Variants in CDH13 observed in about 807,000 individuals in gnomAD.
The protein encoded by CDH13 is cadherin 13.
Under a neutral mutation model 63.8 loss-of-function variants are expected in CDH13, and 24 were observed. The observed-to-expected ratio is 0.38, with a 90% CI of 0.27 to 0.53. CDH13 has a LOEUF of 0.53. Ranked by LOEUF, CDH13 falls within the 20% of genes least tolerant of loss-of-function variation. The pLI is 0.85. For missense variants in CDH13, 1,049 were observed against 903.1 expected (o/e 1.16, Z -2.07); for synonymous variants, 503 against 355.3 (o/e 1.42, Z -4.67).
chr16:83,264,490 CATATTATACACATGTATGTGTGTGTAT>C (rs1266424503), intron 5 of CDH13, among the ~76,000 whole-genome samples: 1 of 151,216 alleles, frequency 6.6e-6, no homozygotes, highest in Non-Finnish European at 1.5e-5. Context: ...TGTGTGTGTA[CATATTATACACATGTATGTGTGTGTAT>C]ATGTATATAT....
intron 4 of CDH13, among the ~76,000 whole-genome samples, chr16:83,200,795 AAAC>A (rs1009482498): frequency 1.3e-5 from 2 of 152,154 alleles, no homozygotes; most frequent in African/African-American, 4.8e-5. Flanking sequence ...CCCTTAGGGA[AAAC>A]AACAACAACA....
At chr16:82,678,873 CAT>C (rs1361557283) in intron 1 of CDH13, among the ~76,000 whole-genome samples, 1 of 152,210 alleles carries the variant, frequency 6.6e-6, no homozygotes, top group East Asian at 1.9e-4. Flanking sequence ...TCATCCCTGA[CAT>C]AGCCTGCCCT....
intron 1 of CDH13, among the ~76,000 whole-genome samples, chr16:82,740,293 A>G (rs149031112): frequency 2.0e-5 from 3 of 152,296 alleles, no homozygotes; most frequent in Admixed American, 6.5e-5. Context: ...CTCATCAGCA[A>G]CTTCCAGTTG....
At chr16:82,840,079 C>G (rs572985123) in intron 1 of CDH13, among the ~76,000 whole-genome samples, 1 of 152,020 alleles carries the variant, frequency 6.6e-6, no homozygotes, top group Non-Finnish European at 1.5e-5. Flanking sequence ...TAGTTCAAAA[C>G]CTGACAAAGG....
chr16:83,342,997 A>T (rs984305511), intron 5 of CDH13, among the ~76,000 whole-genome samples: 7 of 151,482 alleles, frequency 4.6e-5, no homozygotes, highest in East Asian at 1.9e-4. Flanking sequence ...ATAATAGCTT[A>T]AAAAAAACAT....
chr16:83,620,198 C>T (rs892619014), intron 8 of CDH13, among the ~76,000 whole-genome samples: 1 of 152,108 alleles, frequency 6.6e-6, no homozygotes, highest in Non-Finnish European at 1.5e-5. Flanking sequence ...GGAGACCGGC[C>T]TGGCCAACAT....
At chr16:83,192,286 T>A (rs1406373003) in intron 4 of CDH13, among the ~76,000 whole-genome samples, 1 of 152,196 alleles carries the variant, frequency 6.6e-6, no homozygotes, top group Non-Finnish European at 1.5e-5. Context: ...AGCAGGTAAC[T>A]ACGTAGTGTC....
rs540680487 is a variant in CDH13 at position 83,215,153 on chromosome 16, T to A, written c.484-2192T>A. On this transcript the variant is annotated intron_variant, in intron 4 of 13. Coordinates refer to ENST00000567109, the MANE Select transcript of CDH13 (RefSeq NM_001257.5). Reference sequence around the variant, plus strand: ...GTGCAGTGGAGCAATCCCAGCTCACTGCAACCTATGCCTCCCAGATTCAAG... The same window carrying A: ...GTGCAGTGGAGCAATCCCAGCTCACAGCAACCTATGCCTCCCAGATTCAAG... 6.0e-4 allele frequency among the ~76,000 whole-genome samples: 71 copies of A among 118,572 alleles called. 1 individual carries two copies. Among genetic ancestry groups the A allele is most frequent in the East Asian group, 1.5e-3 (5 of 3,314 alleles). 77.8% of individuals were successfully genotyped at this position (118,572 alleles called of 152,430 possible).
intron 1 of CDH13, among the ~76,000 whole-genome samples, chr16:82,681,898 C>A (rs2150961839): frequency 6.6e-6 from 1 of 152,332 alleles, no homozygotes; most frequent in East Asian, 1.9e-4. Context: ...GAGGCCCCAG[C>A]CCGGTTGAGC....
At chr16:83,390,308 G>A (rs536220122) in intron 6 of CDH13, among the ~76,000 whole-genome samples, 2 of 152,220 alleles carry the variant, frequency 1.3e-5, no homozygotes, top group East Asian at 1.9e-4. Context: ...AGTGGTCTCA[G>A]CATGCAGCAT....
intron 2 of CDH13, among the ~76,000 whole-genome samples, chr16:83,016,713 G>A (rs8053759): frequency 0.67 from 101,240 of 151,796 alleles, 33,786 homozygotes; most frequent in Non-Finnish European, 0.67. Flanking sequence ...AAACATTTCT[G>A]GACCCTGTCC....
chr16:82,962,650 C>A (rs1004942670), intron 2 of CDH13, among the ~76,000 whole-genome samples: 2 of 152,066 alleles, frequency 1.3e-5, no homozygotes, highest in African/African-American at 4.8e-5. Flanking sequence ...GAACCCCTGG[C>A]CAGGGCAGGG....
At chr16:83,790,984 G>A (rs917806544) in intron 13 of CDH13, among the ~76,000 whole-genome samples, 11 of 152,078 alleles carry the variant, frequency 7.2e-5, no homozygotes, top group African/African-American at 2.7e-4. Context: ...CTATATGGAG[G>A]GTAAGATGTA....
chr16:83,503,878 C>T (rs1042352801), intron 7 of CDH13, among the ~76,000 whole-genome samples: 14 of 151,444 alleles, frequency 9.2e-5, no homozygotes, highest in South Asian at 8.3e-4. Context: ...TTTTGCTGTG[C>T]AGAAGCTCTT....
intron 1 of CDH13, among the ~76,000 whole-genome samples, chr16:82,843,195 G>C (rs2039106916): frequency 6.6e-6 from 1 of 152,212 alleles, no homozygotes; most frequent in African/African-American, 2.4e-5. Flanking sequence ...GTTTCTTGAA[G>C]ATAGGGACCT....
chr16:83,648,601 A>G (rs1194708666), intron 8 of CDH13, among the ~76,000 whole-genome samples: 1 of 152,126 alleles, frequency 6.6e-6, no homozygotes, highest in Non-Finnish European at 1.5e-5. Context: ...AGACATGGAA[A>G]TTTCCATTCA....
intron 6 of CDH13, among the ~76,000 whole-genome samples, chr16:83,463,440 C>T (rs913422573): frequency 3.3e-5 from 5 of 152,174 alleles, no homozygotes; most frequent in Non-Finnish European, 4.4e-5. Context: ...TGCAGAACAG[C>T]GGCAGTGGTT....
intron 5 of CDH13, among the ~76,000 whole-genome samples, chr16:83,337,542 A>C (rs1056417948): frequency 6.6e-5 from 10 of 151,930 alleles, no homozygotes; most frequent in Non-Finnish European, 1.2e-4. Context: ...GCTTTAAACA[A>C]ATTAGAGGTG....
chr16:82,946,740 C>T (rs947074631), intron 2 of CDH13, among the ~76,000 whole-genome samples: 1 of 148,214 alleles, frequency 6.7e-6, no homozygotes, highest in Non-Finnish European at 1.5e-5. Context: ...AAAGAAAAAA[C>T]ATACTCATTC....
Sources: allele counts gnomAD v4.1 joint callset (sites outside exome capture counted in the v4.1 genomes callset), GRCh38; gene constraint gnomAD v4.1.1; transcripts MANE v1.5; gene names NCBI Gene and HGNC (gene_info 2026-07-23, HGNC 2026-07-21).